SNTG2: variants seen among roughly 807,000 people sequenced by gnomAD.
SNTG2 encodes syntrophin gamma 2.
Under a neutral mutation model 70.9 loss-of-function variants are expected in SNTG2, and 74 were observed. That is an observed-to-expected ratio of 1.04 (90% confidence interval 0.86 to 1.27). SNTG2 has a LOEUF of 1.27. Ranked by LOEUF, SNTG2 falls within the 50% of genes most tolerant of loss-of-function variation. SNTG2 has a pLI of 0.00. For synonymous variants in SNTG2, 278 were observed against 273.8 expected (o/e 1.02, Z -0.15); for missense variants, 717 against 690.7 (o/e 1.04, Z -0.43).
chr2:1,024,368 A>T (rs1320476071), intron 1 of SNTG2, among the ~76,000 whole-genome samples: 1 of 152,196 alleles, frequency 6.6e-6, no homozygotes, highest in East Asian at 1.9e-4. Flanking sequence ...TCTGATAAAA[A>T]CATGAAGACT....
At chr2:1,072,332 C>T (rs12327988) in intron 1 of SNTG2, among the ~76,000 whole-genome samples, 52,321 of 95,470 alleles carry the variant, frequency 0.55, 13,030 homozygotes, top group Non-Finnish European at 0.61. Flanking sequence ...TTTTCTTTTT[C>T]TTTTCTTTTT....
intron 1 of SNTG2, among the ~76,000 whole-genome samples, chr2:1,006,239 T>C (rs914163440): frequency 2.0e-4 from 31 of 151,518 alleles, no homozygotes; most frequent in South Asian, 1.0e-3. Context: ...TGCAGCGCAC[T>C]AGCATGGCAC....
chr2:1,034,220 T>A (rs767362457), intron 1 of SNTG2, among the ~76,000 whole-genome samples: 7 of 152,174 alleles, frequency 4.6e-5, no homozygotes, highest in Non-Finnish European at 8.8e-5. Flanking sequence ...CCTTCTGTTC[T>A]TGGGTTAGTT....
chr2:1,206,990 A>G (rs1673672049), intron 8 of SNTG2, among the ~76,000 whole-genome samples: 4 of 152,220 alleles, frequency 2.6e-5, no homozygotes, highest in Non-Finnish European at 5.9e-5. Context: ...AACACACAGC[A>G]GCATTACTAG....
intron 1 of SNTG2, among the ~76,000 whole-genome samples, chr2:986,937 A>G (rs921413867): frequency 3.9e-5 from 6 of 152,224 alleles, no homozygotes; most frequent in African/African-American, 9.6e-5. Context: ...ACTTGCAGCT[A>G]TTTTATATTT....
chr2:1,332,894 A>G (rs1659604906), intron 16 of SNTG2, among the ~76,000 whole-genome samples: 1 of 152,182 alleles, frequency 6.6e-6, no homozygotes, highest in Non-Finnish European at 1.5e-5. Flanking sequence ...GAGAATTGGA[A>G]GAAGACAGGG....
At chr2:1,080,137 A>G (rs1231619022) in intron 1 of SNTG2, among the ~76,000 whole-genome samples, 1 of 151,880 alleles carries the variant, frequency 6.6e-6, no homozygotes, top group African/African-American at 2.4e-5. Flanking sequence ...CTGGGGGACA[A>G]GCGATGGCTT....
At chr2:1,143,407 A>G (rs1668880363) in intron 6 of SNTG2, among the ~76,000 whole-genome samples, 1 of 152,076 alleles carries the variant, frequency 6.6e-6, no homozygotes, top group African/African-American at 2.4e-5. Flanking sequence ...TGCAGCTTTA[A>G]GCAGCCCTCT....
chr2:1,271,836 C>G (rs1323368322), intron 14 of SNTG2, among the ~76,000 whole-genome samples: 2 of 152,130 alleles, frequency 1.3e-5, no homozygotes, highest in Admixed American at 1.3e-4. Context: ...GGCTGATTGG[C>G]TTCTCATCAA....
intron 1 of SNTG2, among the ~76,000 whole-genome samples, chr2:982,212 T>C (rs1252231214): frequency 1.3e-5 from 2 of 152,260 alleles, no homozygotes; most frequent in Middle Eastern, 3.2e-3. Flanking sequence ...CCTTGTTTTC[T>C]TGAGTTTTAT....
chr2:1,231,041 A>G (rs1461869477), intron 9 of SNTG2, among the ~76,000 whole-genome samples: 2 of 150,264 alleles, frequency 1.3e-5, no homozygotes, highest in African/African-American at 5.0e-5. Context: ...TGCCTCTTCC[A>G]TAGGGTCACT....
At chr2:1,313,325 C>T (rs1455899255) in intron 15 of SNTG2, among the ~76,000 whole-genome samples, 2 of 152,226 alleles carry the variant, frequency 1.3e-5, no homozygotes, top group Non-Finnish European at 2.9e-5. Context: ...AAAAATCCGG[C>T]TTCCCTTCAG....
chr2:1,174,465 CTTTG>C (rs1235718821), intron 8 of SNTG2, among the ~76,000 whole-genome samples: 3 of 152,044 alleles, frequency 2.0e-5, no homozygotes, highest in African/African-American at 7.2e-5. Context: ...GACACTTTGC[CTTTG>C]TTTTATGTTT....
At chr2:1,284,685 G>A (rs2148212788) in intron 14 of SNTG2, among the ~76,000 whole-genome samples, 1 of 152,166 alleles carries the variant, frequency 6.6e-6, no homozygotes, top group East Asian at 1.9e-4. Context: ...TTAAACATAT[G>A]TTTATACAAA....
rs538828704 is a variant in SNTG2, at chr2:1,255,221, C to G, written c.1006-4149C>G. ...CAATGAGCGGTGATTGAACACGCCT[C>G]TGCAGTAAGGAATTCGTTTGCAATT... On this transcript the variant is annotated intron_variant, in intron 12 of 16. Coordinates refer to ENST00000308624, the MANE Select transcript of SNTG2 (RefSeq NM_018968.4). Among the ~76,000 whole-genome samples the G allele has an allele frequency of 1.8e-4, 28 of 152,302 alleles. No homozygotes were observed. The South Asian group carries it at 5.4e-3, about 29-fold the overall frequency.
chr2:1,157,700 T>C (rs1669995663), intron 6 of SNTG2, among the ~76,000 whole-genome samples: 1 of 152,202 alleles, frequency 6.6e-6, no homozygotes, highest in African/African-American at 2.4e-5. Flanking sequence ...TATAGAGAAC[T>C]ACAGTGGAGT....
chr2:1,272,451 G>A (rs1679072947), intron 14 of SNTG2, among the ~76,000 whole-genome samples: 1 of 76,520 alleles, frequency 1.3e-5, no homozygotes, highest in African/African-American at 7.8e-5. Flanking sequence ...ACAGGCCACA[G>A]ACTGGTACTG....
chr2:1,000,022 C>G (rs999802416), intron 1 of SNTG2, among the ~76,000 whole-genome samples: 2 of 151,832 alleles, frequency 1.3e-5, no homozygotes, highest in African/African-American at 4.8e-5. Context: ...CAACCTGGTC[C>G]TGAATGATCG....
chr2:1,360,469 G>A (rs1661077185), intron 16 of SNTG2, among the ~76,000 whole-genome samples: 1 of 152,104 alleles, frequency 6.6e-6, no homozygotes, highest in South Asian at 2.1e-4. Context: ...AAGGTATAGG[G>A]TGGAAGTTCA....
Sources: gnomAD v4.1 joint callset for allele counts (sites outside exome capture counted in the v4.1 genomes callset) on GRCh38, gnomAD v4.1.1 for gene constraint, MANE v1.5 for transcripts, NCBI Gene and HGNC (gene_info 2026-07-23, HGNC 2026-07-21) for gene names.